STARD13: variants seen among roughly 807,000 people sequenced by gnomAD.
STARD13 encodes StAR related lipid transfer domain containing 13.
A neutral mutation model predicts 106.4 loss-of-function variants in STARD13; 62 were observed. The observed-to-expected ratio is 0.58, with a 90% confidence interval of 0.48 to 0.72. STARD13 has a LOEUF of 0.72. Ranked by LOEUF, STARD13 falls within the 30% of genes least tolerant of loss-of-function variation. The pLI is 0.00. For missense variants in STARD13, 1,387 were observed against 1,424.0 expected, an observed-to-expected ratio of 0.97 and a Z score of 0.42; for synonymous variants, 565 against 553.0, an observed-to-expected ratio of 1.02 and a Z score of -0.31.
the STARD13 span, among the ~76,000 whole-genome samples, chr13:33,650,872 A>T: frequency 0.025 from 3,842 of 152,356 alleles, 159 homozygotes; most frequent in African/African-American, 0.088. Flanking sequence ...CACAGTGTCA[A>T]TCCCCTCTGG....
the STARD13 span, among the ~76,000 whole-genome samples, chr13:33,614,247 C>T: frequency 3.8e-4 from 51 of 135,800 alleles, no homozygotes; most frequent in Non-Finnish European, 4.9e-4. Context: ...CTAAATAGAC[C>T]GTATCTCTAT....
At chr13:33,246,486 T>A (rs1246578441) in intron 1 of STARD13, among the ~76,000 whole-genome samples, 1 of 152,196 alleles carries the variant, frequency 6.6e-6, no homozygotes, top group Non-Finnish European at 1.5e-5. Context: ...CAATCACACC[T>A]GCTTAAATTT....
At chr13:33,230,720 A>G (rs913628826) in intron 1 of STARD13, among the ~76,000 whole-genome samples, 11 of 152,244 alleles carry the variant, frequency 7.2e-5, no homozygotes, top group Admixed American at 6.5e-4. Flanking sequence ...TACTTAGTCC[A>G]TTATGACACG....
intron 10 of STARD13, among the ~76,000 whole-genome samples, chr13:33,111,470 C>T (rs1423003576): frequency 1.3e-5 from 2 of 152,300 alleles, no homozygotes; most frequent in Non-Finnish European, 2.9e-5. Flanking sequence ...GATGTTTAAC[C>T]TAATCAAGCT....
intron 1 of STARD13, among the ~76,000 whole-genome samples, chr13:33,283,404 C>T (rs1209972443): frequency 3.3e-5 from 5 of 152,160 alleles, no homozygotes; most frequent in African/African-American, 4.8e-5. Context: ...CTGTGTGCCT[C>T]TGTTTTCTCA....
intron 3 of STARD13, among the ~76,000 whole-genome samples, chr13:33,160,816 A>T (rs182860319): frequency 6.6e-6 from 1 of 152,346 alleles, no homozygotes. Context: ...ATACATTGTC[A>T]ATGGCAGTAC....
At chr13:33,128,208 C>CAG (rs151171071) in intron 5 of STARD13, among the ~76,000 whole-genome samples, 1,683 of 149,694 alleles carry the variant, frequency 0.011, 29 homozygotes, top group African/African-American at 0.039. Context: ...GAGCAAGAAA[C>CAG]AGAGAGAGAG....
the STARD13 span, among the ~76,000 whole-genome samples, chr13:33,606,565 T>G: frequency 6.6e-6 from 1 of 152,224 alleles, no homozygotes; most frequent in African/African-American, 2.4e-5. Flanking sequence ...TATGGGCATT[T>G]TAAGGCTGTC....
intron 1 of STARD13, among the ~76,000 whole-genome samples, chr13:33,221,653 T>C (rs567861974): frequency 6.6e-6 from 1 of 152,284 alleles, no homozygotes; most frequent in South Asian, 2.1e-4. Flanking sequence ...ATAAGACTTG[T>C]GGATCCCAGT....
At chr13:33,546,618 C>A in the STARD13 span, among the ~76,000 whole-genome samples, 4 of 151,790 alleles carry the variant, frequency 2.6e-5, no homozygotes, top group South Asian at 6.3e-4. Flanking sequence ...TTGTGATGAG[C>A]TAAATTTATT....
chr13:33,283,425 G>A (rs1008302054), intron 1 of STARD13, among the ~76,000 whole-genome samples: 3 of 151,754 alleles, frequency 2.0e-5, no homozygotes, highest in African/African-American at 7.2e-5. Context: ...TCTGTAAAAT[G>A]GGCATAATAA....
intron 1 of STARD13, among the ~76,000 whole-genome samples, chr13:33,248,874 G>T (rs1238452629): frequency 6.6e-6 from 1 of 152,054 alleles, no homozygotes; most frequent in Non-Finnish European, 1.5e-5. Context: ...ATTTTAGGGT[G>T]GCAAGTTGAA....
At chr13:33,512,738 G>T in the STARD13 span, among the ~76,000 whole-genome samples, 1 of 152,084 alleles carries the variant, frequency 6.6e-6, no homozygotes, top group South Asian at 2.1e-4. Context: ...CAAAGTACTG[G>T]GATTACAGGC....
chr13:33,432,313 A>T, the STARD13 span, among the ~76,000 whole-genome samples: 20 of 152,316 alleles, frequency 1.3e-4, no homozygotes, highest in Non-Finnish European at 2.4e-4. Context: ...ACAAATGAAC[A>T]GGATTTAATA....
At chr13:33,440,664 C>G in the STARD13 span, among the ~76,000 whole-genome samples, 1 of 151,402 alleles carries the variant, frequency 6.6e-6, no homozygotes, top group African/African-American at 2.4e-5. Context: ...CACTTTGCAC[C>G]TTCTTCCAGG....
At chr13:33,540,406 C>T in the STARD13 span, among the ~76,000 whole-genome samples, 3 of 152,132 alleles carry the variant, frequency 2.0e-5, no homozygotes, top group Non-Finnish European at 4.4e-5. Context: ...TTATTTGAAT[C>T]CAAGCTCAGT....
At chr13:33,378,406 T>C in the STARD13 span, among the ~76,000 whole-genome samples, 1 of 152,200 alleles carries the variant, frequency 6.6e-6, no homozygotes, top group Non-Finnish European at 1.5e-5. Context: ...AAGGCCCACC[T>C]GGAGCCCCAT....
At chr13:33,435,500 T>C in the STARD13 span, among the ~76,000 whole-genome samples, 382 of 152,322 alleles carry the variant, frequency 2.5e-3, no homozygotes, top group African/African-American at 8.8e-3. Context: ...AGGTTCTTCT[T>C]GGCACACTTT....
At chr13:33,533,810 A>G in the STARD13 span, among the ~76,000 whole-genome samples, 397 of 152,322 alleles carry the variant, frequency 2.6e-3, 2 homozygotes, top group African/African-American at 9.1e-3. Context: ...TGAGGACTGG[A>G]TATAAAGCTC....
Sources: allele counts gnomAD v4.1 joint callset (sites outside exome capture counted in the v4.1 genomes callset), GRCh38; gene constraint gnomAD v4.1.1; transcripts MANE v1.5; gene names NCBI Gene and HGNC (gene_info 2026-07-23, HGNC 2026-07-21).